OSBPL8: variants seen among roughly 807,000 people sequenced by gnomAD.
OSBPL8 encodes oxysterol-binding protein-related protein 8.
In OSBPL8, 59 loss-of-function variants were observed where a neutral mutation model predicts 125.5. The ratio of observed to expected loss-of-function variants is 0.47; its 90% CI spans 0.38 to 0.58. The LOEUF is 0.58. Among genes scored for constraint, OSBPL8 ranks in the 20% least tolerant of loss-of-function variants. The probability of loss-of-function intolerance (pLI) is 0.00; values close to 1 mark genes in which losing one functional copy is unlikely to be tolerated. For synonymous variants in OSBPL8, 330 were observed against 338.9 expected, an observed-to-expected ratio of 0.97 and a Z score of 0.29; for missense variants, 758 against 1,047.8, an observed-to-expected ratio of 0.72 and a Z score of 3.82.
intron 1 of OSBPL8, among the ~76,000 whole-genome samples, chr12:76,491,422 T>C (rs949912379): frequency 3.3e-5 from 5 of 152,202 alleles, no homozygotes; most frequent in Non-Finnish European, 7.3e-5. Flanking sequence ...AAACATTTTC[T>C]TATTTCTACA....
At chr12:76,489,486 C>T (rs1482864032) in intron 1 of OSBPL8, among the ~76,000 whole-genome samples, 1 of 152,116 alleles carries the variant, frequency 6.6e-6, no homozygotes, top group Non-Finnish European at 1.5e-5. Flanking sequence ...AATTCTAGGG[C>T]CCTTTCAAGA....
chr12:76,395,638 G>C (rs1020337315), intron 8 of OSBPL8, among the ~76,000 whole-genome samples: 5 of 152,090 alleles, frequency 3.3e-5, no homozygotes, highest in African/African-American at 1.2e-4. Context: ...AGACTGCCTG[G>C]GTTTCAATCA....
At chr12:76,367,331 A>C (rs1952458848) in intron 21 of OSBPL8, among the ~76,000 whole-genome samples, 1 of 151,932 alleles carries the variant, frequency 6.6e-6, no homozygotes, top group African/African-American at 2.4e-5. Flanking sequence ...AAGTCTATTT[A>C]GTCTGACAGT....
At chr12:76,471,598 A>G (rs1876144232) in intron 2 of OSBPL8, among the ~76,000 whole-genome samples, 1 of 152,206 alleles carries the variant, frequency 6.6e-6, no homozygotes, top group Non-Finnish European at 1.5e-5. Context: ...GATATCATAG[A>G]GAGCCTTCTA....
At chr12:76,512,634 G>T (rs1881117513) in intron 1 of OSBPL8, among the ~76,000 whole-genome samples, 1 of 152,148 alleles carries the variant, frequency 6.6e-6, no homozygotes, top group East Asian at 1.9e-4. Flanking sequence ...CTCCAGCTTT[G>T]TTCTTTTTGC....
At chr12:76,454,631 A>G (rs561258874) in intron 3 of OSBPL8, among the ~76,000 whole-genome samples, 1 of 152,156 alleles carries the variant, frequency 6.6e-6, no homozygotes, top group East Asian at 1.9e-4. Context: ...AGGTGGGAGC[A>G]TCACTTGAGC....
Position 76,394,360 on chromosome 12 carries a change from C to A in OSBPL8, c.757+285G>T, listed in dbSNP as rs1253531272. Reference sequence around the variant, plus strand: ...AGTATTAAATATATCTTTAAGAGTACCATAAAGACCACTAACAAATAAAAA... The same window carrying A: ...AGTATTAAATATATCTTTAAGAGTAACATAAAGACCACTAACAAATAAAAA... On this transcript the variant is annotated intron_variant, in intron 9 of 23. Transcript: ENST00000261183. Among the ~76,000 whole-genome samples, 4 of 151,812 alleles carry A rather than the reference C, an allele frequency of 2.6e-5. No homozygotes were observed. In the East Asian group the frequency reaches 7.7e-4, roughly 29 times the overall value.
chr12:76,483,660 C>CTTTTTT lies in OSBPL8; in HGVS notation c.42+3844_42+3849dup, dbSNP rs869202382. ...CTCACCCCAAGATCACTGTAATAGT[C>CTTTTTT]TTTTTTTTTTTTTTTTTTTTTTTTT... On this transcript the variant is annotated intron_variant, in intron 2 of 23. Transcript: ENST00000261183. Among the ~76,000 whole-genome samples the CTTTTTT allele has an allele frequency of 1.2e-3, 70 of 57,456 alleles. 18 individuals carry two copies. Among genetic ancestry groups the CTTTTTT allele is most frequent in the African/African-American group, 3.0e-3 (37 of 12,528 alleles). The allele number at this position is 57,456 out of a possible 152,430, so 37.7% of individuals were successfully genotyped here.
intron 1 of OSBPL8, among the ~76,000 whole-genome samples, chr12:76,540,785 C>T (rs1438378433): frequency 6.6e-6 from 1 of 151,876 alleles, no homozygotes; most frequent in Non-Finnish European, 1.5e-5. Flanking sequence ...CACACAACTC[C>T]AAATATATTA....
At chr12:76,390,030 CAATA>C (rs1953492620) in intron 11 of OSBPL8, 1 of 420,950 alleles carries the variant, frequency 2.4e-6, no homozygotes, top group Admixed American at 4.0e-5. Context: ...TCAAAGTGAA[CAATA>C]TATACAAGAG....
chr12:76,491,438 A>G (rs1252323158), intron 1 of OSBPL8, among the ~76,000 whole-genome samples: 1 of 152,218 alleles, frequency 6.6e-6, no homozygotes. Context: ...CTACAAGTAT[A>G]AAAGGCCTTA....
Position 76,355,705 on chromosome 12 carries a change from A to C in OSBPL8, c.*184T>G, listed in dbSNP as rs1203200267. On this transcript the variant is annotated 3_prime_UTR_variant, in exon 24 of 24. Coordinates refer to ENST00000261183, the MANE Select transcript of OSBPL8 (RefSeq NM_020841.5). ...AACACATAGCTCACTTTAATAATCA[A>C]ATAGGATAGCTCTTGTTTCAGTGTG... The C allele has an allele frequency of 1.7e-6, 1 of 595,888 alleles. No homozygotes were observed. Among genetic ancestry groups the C allele is most frequent in the African/African-American group, 1.9e-5 (1 of 52,866 alleles). 36.9% of individuals were successfully genotyped at this position (595,888 alleles called of 1,614,324 possible).
chr12:76,522,552 G>T (rs1320333025), intron 1 of OSBPL8, among the ~76,000 whole-genome samples: 1 of 152,082 alleles, frequency 6.6e-6, no homozygotes, highest in African/African-American at 2.4e-5. Context: ...AGTAAAGTGG[G>T]TTGCTATAAA....
chr12:76,354,451 G>A lies in OSBPL8; in HGVS notation c.*1438C>T, dbSNP rs753011811. 2 of 151,512 alleles carry A rather than the reference G, an allele frequency of 1.3e-5. No homozygotes were observed. The highest frequency in any genetic ancestry group is 2.4e-5 in the African/African-American group (1 of 41,294). 9.4% of individuals were successfully genotyped at this position (151,512 alleles called of 1,614,324 possible). A position where few individuals can be genotyped will look rare whatever the true frequency, so the allele number is the denominator to read the frequency against. On this transcript the variant is annotated 3_prime_UTR_variant, in exon 24 of 24. Transcript: ENST00000261183. ...ATCTTGTATTTATCATGGCATAAACGATTATAATTTTACTATTTCACAGCC... is the reference window on the plus strand; with the variant it reads ...ATCTTGTATTTATCATGGCATAAACAATTATAATTTTACTATTTCACAGCC...
chr12:76,458,463 G>C (rs1297645962), intron 3 of OSBPL8, among the ~76,000 whole-genome samples: 3 of 152,260 alleles, frequency 2.0e-5, no homozygotes, highest in Non-Finnish European at 4.4e-5. Context: ...GCCAAGGCAG[G>C]AGGATCACTT....
intron 4 of OSBPL8, among the ~76,000 whole-genome samples, chr12:76,447,424 T>C (rs1872834872): frequency 6.6e-6 from 1 of 152,252 alleles, no homozygotes. Flanking sequence ...ATCGAGCCTT[T>C]GCATTTAACT....
At chr12:76,479,941 C>T (rs1014914557) in intron 2 of OSBPL8, among the ~76,000 whole-genome samples, 9 of 151,900 alleles carry the variant, frequency 5.9e-5, no homozygotes, top group Non-Finnish European at 1.0e-4. Context: ...CCGAGGCTGG[C>T]GGATCACCTG....
intron 4 of OSBPL8, among the ~76,000 whole-genome samples, chr12:76,449,298 T>G (rs886336087): frequency 6.6e-6 from 1 of 152,200 alleles, no homozygotes; most frequent in Non-Finnish European, 1.5e-5. Flanking sequence ...TTCCGTACAT[T>G]TGATTAAATA....
intron 1 of OSBPL8, among the ~76,000 whole-genome samples, chr12:76,531,659 A>T (rs1175823983): frequency 6.6e-6 from 1 of 152,138 alleles, no homozygotes; most frequent in Admixed American, 6.6e-5. Context: ...ATGTAGTAAA[A>T]CTTAAAATCA....
Sources: allele counts gnomAD v4.1 joint callset (sites outside exome capture counted in the v4.1 genomes callset), GRCh38; gene constraint gnomAD v4.1.1; transcripts MANE v1.5; gene names NCBI Gene and HGNC (gene_info 2026-07-23, HGNC 2026-07-21).